DDB2: variants seen among roughly 807,000 people sequenced by gnomAD.
DDB2 encodes DNA damage-binding protein 2.
DDB2 carries 27 observed loss-of-function variants against 50.5 expected under a neutral mutation model. That is an observed-to-expected ratio of 0.53 (90% confidence interval 0.39 to 0.74). The LOEUF (loss-of-function observed/expected upper bound fraction) is 0.74, where lower values mean the gene tolerates loss of function less well. DDB2 is among the 30% of genes least tolerant of loss of function. The pLI is 0.00. For synonymous variants in DDB2, 176 were observed against 205.5 expected (o/e 0.86, Z 1.23); for missense variants, 424 against 545.6 (o/e 0.78, Z 2.22).
chr11:47,223,704 C>A (rs990757948), intron 3 of DDB2, among the ~76,000 whole-genome samples: 22 of 152,130 alleles, frequency 1.4e-4, no homozygotes, highest in African/African-American at 7.2e-5. Flanking sequence ...ATGGTGTGAA[C>A]CCAGGAGGCA....
At chr11:47,235,091 T>G (rs927176687) in intron 6 of DDB2, 157 bp downstream of exon 6, 22 of 1,252,864 alleles carry the variant, frequency 1.8e-5, no homozygotes, top group Non-Finnish European at 4.6e-6. Context: ...GCTGTCCCCA[T>G]CAGCTGCTGA....
Position 47,232,973 on chromosome 11 carries a change from C to T in DDB2, c.602+14C>T. Reference sequence around the variant, plus strand: ...AGACACCATCAAGTGAGTAGTTTAACTAGCAGGGGAAAGGGCTTCTAAGCT... The same window carrying T: ...AGACACCATCAAGTGAGTAGTTTAATTAGCAGGGGAAAGGGCTTCTAAGCT... On this transcript the variant is annotated intron_variant, in intron 4 of 9. Transcript: ENST00000256996. The T allele has an allele frequency of 1.2e-6, 2 of 1,614,074 alleles. No individual in the cohort carries two copies. Among genetic ancestry groups the T allele is most frequent in the South Asian group, 1.1e-5 (1 of 91,084 alleles).
Position 47,238,831 on chromosome 11 carries a change from A to C in DDB2, c.1266A>C (p.Glu422Asp). ...GYHILIWSQE[E>D]ARTRK ...ACATTCTCATCTGGAGCCAGGAGGA[A>C]GCCAGGACACGGAAGTGAGAGACAC... Residue 422 changes from glutamate (E) to aspartate (D), a missense_variant, in exon 10 of 10, where the codon GAA (glutamate) becomes GAC (aspartate). Physicochemically the swap from Glu to Asp is conservative, Grantham distance 45. Coordinates refer to ENST00000256996, the MANE Select transcript of DDB2 (RefSeq NM_000107.3). 1 of 1,613,748 alleles carries C rather than the reference A, an allele frequency of 6.2e-7. No individual in the cohort carries two copies. Among genetic ancestry groups the C allele is most frequent in the Non-Finnish European group, 8.5e-7 (1 of 1,179,926 alleles).
At chr11:47,229,782 T>C (rs1267202354) in intron 3 of DDB2, 5 of 420,114 alleles carry the variant, frequency 1.2e-5, no homozygotes, top group South Asian at 8.8e-5. Context: ...TAATCTTTTA[T>C]AAGTATCTCA....
chr11:47,224,055 A>T (rs1953524278), intron 3 of DDB2, among the ~76,000 whole-genome samples: 1 of 152,182 alleles, frequency 6.6e-6, no homozygotes, highest in Non-Finnish European at 1.5e-5. Context: ...GAGCTAGGCA[A>T]GCCTGGGTGA....
At chr11:47,225,097 G>A (rs555939426) in intron 3 of DDB2, among the ~76,000 whole-genome samples, 8 of 151,492 alleles carry the variant, frequency 5.3e-5, no homozygotes, top group South Asian at 4.2e-4. Context: ...GCACCACCAC[G>A]CCCAGCTAAT....
rs1953791180 is a variant in DDB2 at position 47,238,818 on chromosome 11, G to A, written c.1253G>A (p.Trp418Ter). The A allele has an allele frequency of 6.2e-7, 1 of 1,613,820 alleles. No individual in the cohort carries two copies. The highest frequency in any genetic ancestry group is 2.2e-5 in the East Asian group (1 of 44,860). The change falls in exon 10 of 10, where the codon TGG (tryptophan) becomes TAG (stop). Residue 418 changes from tryptophan to a stop codon, truncating the protein, a stop_gained. Transcript: ENST00000256996. LOFTEE classifies it high-confidence loss of function. ...TTCCTAGGTTACCACATTCTCATCT[G>A]GAGCCAGGAGGAAGCCAGGACACGG... ...ASAMGYHILI[W>*]SQEEARTRK
chr11:47,233,696 C>T (rs937638430), intron 4 of DDB2, among the ~76,000 whole-genome samples: 28 of 123,558 alleles, frequency 2.3e-4, no homozygotes, highest in African/African-American at 6.4e-4. Context: ...GCAACAAGAG[C>T]GAAAATCTAT....
At chr11:47,225,368 G>A (rs961838676) in intron 3 of DDB2, among the ~76,000 whole-genome samples, 8 of 151,742 alleles carry the variant, frequency 5.3e-5, no homozygotes, top group African/African-American at 1.2e-4. Flanking sequence ...TGAGGTGGAC[G>A]GATCACAAGG....
chr11:47,217,862 G>A (rs557941951), intron 3 of DDB2, among the ~76,000 whole-genome samples: 51 of 152,058 alleles, frequency 3.4e-4, no homozygotes, highest in African/African-American at 1.2e-3. Flanking sequence ...CTGCACTCCA[G>A]CCTGGGCAAC....
Position 47,238,721 on chromosome 11 carries a change from T to C in DDB2, c.1235-79T>C, listed in dbSNP as rs2013867. 523,379 of 1,517,364 alleles carry C rather than the reference T, an allele frequency of 0.34. 98,198 individuals are homozygous for C. The highest frequency in any genetic ancestry group is 0.74 in the East Asian group (32,869 of 44,212). 94.0% of individuals were successfully genotyped at this position (1,517,364 alleles called of 1,614,324 possible). A position where few individuals can be genotyped will look rare whatever the true frequency, so the allele number is the denominator to read the frequency against. Reference sequence around the variant, plus strand: ...CCTTCCTAGTATTTCTTTACCAAATTGTAGGTTTGCGGGCCAGCCCCAGGC... The same window carrying C: ...CCTTCCTAGTATTTCTTTACCAAATCGTAGGTTTGCGGGCCAGCCCCAGGC... On this transcript the variant is annotated intron_variant, in intron 9 of 9. Transcript: ENST00000256996.
intron 3 of DDB2, among the ~76,000 whole-genome samples, chr11:47,231,722 A>G (rs1953652765): frequency 6.6e-6 from 1 of 151,802 alleles, no homozygotes; most frequent in Non-Finnish European, 1.5e-5. Flanking sequence ...GTCTCCCTAT[A>G]TTGCTTAGGC....
At chr11:47,224,637 T>C (rs1234909947) in intron 3 of DDB2, among the ~76,000 whole-genome samples, 1 of 152,286 alleles carries the variant, frequency 6.6e-6, no homozygotes, top group East Asian at 1.9e-4. Flanking sequence ...CTGCAGGTGG[T>C]TGATGCACTG....
chr11:47,233,479 G>A (rs1054001835), intron 4 of DDB2: 4 of 199,328 alleles, frequency 2.0e-5, no homozygotes, highest in Non-Finnish European at 3.1e-5. Context: ...GCCAAGGTGG[G>A]TGGATCACCT....
chr11:47,228,116 G>T (rs1953586191), intron 3 of DDB2, among the ~76,000 whole-genome samples: 1 of 143,294 alleles, frequency 7.0e-6, no homozygotes, highest in African/African-American at 2.6e-5. Flanking sequence ...CTCCAGCCTG[G>T]CAACAGAGTG....
chr11:47,234,897 CCTCTA>C lies in DDB2; in HGVS notation c.847_851del (p.Tyr283AlafsTer76). 1 of 1,614,252 alleles carries C rather than the reference CCTCTA, an allele frequency of 6.2e-7. No individual in the cohort carries two copies. Among genetic ancestry groups the C allele is most frequent in the Non-Finnish European group, 8.5e-7 (1 of 1,180,046 alleles). ...GCCAGGTTAGAGGGAAAGCCAGCTT[CCTCTA>C]CTCGCTGCCGCACAGGCATCCTGTC... On this transcript the variant is annotated frameshift_variant, in exon 6 of 10. Coordinates refer to ENST00000256996, the MANE Select transcript of DDB2 (RefSeq NM_000107.3). LOFTEE classifies it high-confidence loss of function.
intron 3 of DDB2, among the ~76,000 whole-genome samples, chr11:47,228,250 G>C (rs1164176645): frequency 1.3e-5 from 2 of 150,594 alleles, no homozygotes; most frequent in Non-Finnish European, 3.0e-5. Context: ...CTGAGCGACA[G>C]AGCACAACTC....
chr11:47,234,083 C>T (rs574086699), intron 4 of DDB2, among the ~76,000 whole-genome samples: 1 of 152,254 alleles, frequency 6.6e-6, no homozygotes, highest in African/African-American at 2.4e-5. Flanking sequence ...TTTGAGGGAC[C>T]AGAAGAGCTC....
Position 47,216,986 on chromosome 11 carries a change from C to T in DDB2, c.393C>T (p.Ser131=). 6.2e-7 allele frequency: 1 copy of T among 1,614,084 alleles called. No homozygotes were observed. Among genetic ancestry groups the T allele is most frequent in the Non-Finnish European group, 8.5e-7 (1 of 1,180,004 alleles). The stretch of plus-strand genomic sequence containing the variant: ...ACCCCAGCACCGTGGCTGTGGGTTC[C>T]AAAGGGGGAGATATCATGCTCTGGA... ...PTHPSTVAVG[S]KGGDIMLWNF... is the part of the protein sequence containing the mutation. Residue 131 remains serine (S), a synonymous_variant, in exon 3 of 10, where the codon TCC becomes TCT. Coordinates refer to ENST00000256996, the MANE Select transcript of DDB2 (RefSeq NM_000107.3).
Sources: gnomAD v4.1 joint callset for allele counts (sites outside exome capture counted in the v4.1 genomes callset) on GRCh38, gnomAD v4.1.1 for gene constraint, MANE v1.5 for transcripts, NCBI Gene and HGNC (gene_info 2026-07-23, HGNC 2026-07-21) for gene names.